TMEM167A: variants seen among roughly 807,000 people sequenced by gnomAD.
The protein encoded by TMEM167A is transmembrane protein 167A.
A neutral mutation model predicts 11.6 loss-of-function variants in TMEM167A; 8 were observed. The ratio of observed to expected loss-of-function variants is 0.69; its 90% CI spans 0.40 to 1.24. The LOEUF (loss-of-function observed/expected upper bound fraction) is 1.24, where lower values mean the gene tolerates loss of function less well. Ranked by LOEUF, TMEM167A falls within the 50% of genes most tolerant of loss-of-function variation. TMEM167A has a pLI of 0.01. For synonymous variants in TMEM167A, 22 were observed against 28.0 expected (o/e 0.79, Z 0.67); for missense variants, 62 against 87.0 (o/e 0.71, Z 1.14).
chr5:83,061,795 A>G (rs1340277657), intron 3 of TMEM167A, 82 bp downstream of exon 3: 38 of 1,328,304 alleles, frequency 2.9e-5, no homozygotes, highest in Non-Finnish European at 4.1e-5. Context: ...AAAAATTAAC[A>G]TTTGACTTGT....
chr5:83,065,256 A>G, intron 1 of TMEM167A, 139 bp from the exon 2 acceptor site: 1 of 599,498 alleles, frequency 1.7e-6, no homozygotes, highest in South Asian at 2.3e-5. Context: ...CAACACTTAA[A>G]ACCAGAATCT....
intron 1 of TMEM167A, among the ~76,000 whole-genome samples, chr5:83,074,335 A>T (rs1347352308): frequency 6.6e-6 from 1 of 152,216 alleles, no homozygotes; most frequent in Non-Finnish European, 1.5e-5. Flanking sequence ...TTTAAAGTAC[A>T]GGTGAGAGAG....
intron 2 of TMEM167A, among the ~76,000 whole-genome samples, chr5:83,062,902 C>T (rs1431739823): frequency 1.4e-5 from 2 of 144,868 alleles, no homozygotes; most frequent in Admixed American, 1.4e-4. Context: ...ATCATTACAT[C>T]TGAATGGGTA....
chr5:83,071,590 T>C (rs1744561451), intron 1 of TMEM167A, among the ~76,000 whole-genome samples: 1 of 152,168 alleles, frequency 6.6e-6, no homozygotes, highest in African/African-American at 2.4e-5. Flanking sequence ...CACACATATA[T>C]ATAATTTGCC....
At chr5:83,059,281 T>C (rs1007613046) in intron 3 of TMEM167A, among the ~76,000 whole-genome samples, 3 of 152,104 alleles carry the variant, frequency 2.0e-5, no homozygotes, top group African/African-American at 7.2e-5. Flanking sequence ...GCTATGTTCT[T>C]TTCAAGCAAT....
At position 83,056,986 on chromosome 5, in the gene TMEM167A, G is replaced by A. The variant is rs563314798; in HGVS notation, c.*98C>T. 55 of 1,039,152 alleles carry A rather than the reference G, an allele frequency of 5.3e-5. No homozygotes were observed. Among genetic ancestry groups the A allele is most frequent in the South Asian group, 1.9e-4 (15 of 77,750 alleles). The allele number at this position is 1,039,152 out of a possible 1,614,324, so 64.4% of individuals were successfully genotyped here. On this transcript the variant is annotated 3_prime_UTR_variant, in exon 4 of 4. Coordinates refer to ENST00000502346, the MANE Select transcript of TMEM167A (RefSeq NM_174909.5). ...TGGAAATTTATCTCATTCAATGTTC[G>A]GAGATAAAAGAGTTAAACATCCTTT... is the stretch of plus-strand genomic sequence containing the variant.
intron 3 of TMEM167A, among the ~76,000 whole-genome samples, chr5:83,059,166 CAAA>C (rs369393831): frequency 2.5e-5 from 3 of 118,360 alleles, no homozygotes; most frequent in Admixed American, 8.6e-5. Flanking sequence ...AAATAACAAG[CAAA>C]AAAAAAAAAA....
chr5:83,072,797 T>C (rs1456213204), intron 1 of TMEM167A, among the ~76,000 whole-genome samples: 1 of 152,116 alleles, frequency 6.6e-6, no homozygotes, highest in Non-Finnish European at 1.5e-5. Context: ...GCAATCAGTA[T>C]TCAAAAGCTT....
At chr5:83,070,957 A>G (rs1744551006) in intron 1 of TMEM167A, among the ~76,000 whole-genome samples, 1 of 151,890 alleles carries the variant, frequency 6.6e-6, no homozygotes, top group Non-Finnish European at 1.5e-5. Context: ...TAGGAATAGA[A>G]GAAGGAAAAA....
At chr5:83,061,775 C>A (rs759638001) in intron 3 of TMEM167A, 102 bp downstream of exon 3, 405 of 1,143,420 alleles carry the variant, frequency 3.5e-4, no homozygotes, top group Non-Finnish European at 4.8e-4. Flanking sequence ...AATTGGGAAG[C>A]CTGCCCTTTA....
At chr5:83,063,111 G>C (rs1489454080) in intron 2 of TMEM167A, among the ~76,000 whole-genome samples, 2 of 151,978 alleles carry the variant, frequency 1.3e-5, no homozygotes, top group Non-Finnish European at 2.9e-5. Context: ...TGAATATTCT[G>C]ACAGGCTAAA....
intron 3 of TMEM167A, among the ~76,000 whole-genome samples, chr5:83,057,859 A>G (rs529037806): frequency 1.3e-5 from 2 of 152,150 alleles, no homozygotes; most frequent in South Asian, 4.1e-4. Context: ...CTGGCTTGTG[A>G]ATTGTCTCGC....
intron 2 of TMEM167A, among the ~76,000 whole-genome samples, chr5:83,063,033 T>C (rs759972918): frequency 2.0e-5 from 3 of 152,048 alleles, no homozygotes; most frequent in Non-Finnish European, 4.4e-5. Context: ...TAGAAACTGC[T>C]ATGAACTGGA....
chr5:83,064,797 C>T (rs1744458544), intron 2 of TMEM167A, among the ~76,000 whole-genome samples: 1 of 152,038 alleles, frequency 6.6e-6, no homozygotes, highest in Non-Finnish European at 1.5e-5. Flanking sequence ...TTACTCTTAA[C>T]ACATTTTAGG....
At position 83,053,408 on chromosome 5, in the gene TMEM167A, C is replaced by A. The variant is rs1268167570; in HGVS notation, c.*3676G>T. 1.3e-5 allele frequency: 2 copies of A among 151,924 alleles called. No individual in the cohort carries two copies. Among genetic ancestry groups the A allele is most frequent in the Non-Finnish European group, 2.9e-5 (2 of 67,910 alleles). The allele number at this position is 151,924 out of a possible 1,614,324, so 9.4% of individuals were successfully genotyped here. On this transcript the variant is annotated 3_prime_UTR_variant, in exon 4 of 4. Coordinates refer to ENST00000502346, the MANE Select transcript of TMEM167A (RefSeq NM_174909.5). Reference sequence around the variant, plus strand: ...ATTAAGAGTTTCTAAAAATACTGACCTAACTAGTCAGTTGCCTCCACCTTA... The same window carrying A: ...ATTAAGAGTTTCTAAAAATACTGACATAACTAGTCAGTTGCCTCCACCTTA...
At chr5:83,059,164 A>C (rs1432244805) in intron 3 of TMEM167A, among the ~76,000 whole-genome samples, 1 of 142,214 alleles carries the variant, frequency 7.0e-6, no homozygotes, top group Non-Finnish European at 1.5e-5. Flanking sequence ...ATAAATAACA[A>C]GCAAAAAAAA....
chr5:83,074,718 C>G (rs926335505), intron 1 of TMEM167A, among the ~76,000 whole-genome samples: 1 of 152,102 alleles, frequency 6.6e-6, no homozygotes, highest in Non-Finnish European at 1.5e-5. Flanking sequence ...TTAATAATTT[C>G]CCCCACTGGA....
At position 83,055,853 on chromosome 5, in the gene TMEM167A, GAATT is replaced by G. The variant is rs1744323903; in HGVS notation, c.*1227_*1230del. On this transcript the variant is annotated 3_prime_UTR_variant, in exon 4 of 4. Transcript: ENST00000502346. ...AGTTTCTTCATTTTATCTTTATGATGAATTAATAGCTGCAAACAATCTAATTAAT... is the reference window on the plus strand; with the variant it reads ...AGTTTCTTCATTTTATCTTTATGATGAATAGCTGCAAACAATCTAATTAAT... 6.6e-6 allele frequency: 1 copy of G among 151,812 alleles called. No individual in the cohort carries two copies. The highest frequency in any genetic ancestry group is 2.4e-5 in the African/African-American group (1 of 41,350). 9.4% of individuals were successfully genotyped at this position (151,812 alleles called of 1,614,324 possible). A position where few individuals can be genotyped will look rare whatever the true frequency, so the allele number is the denominator to read the frequency against.
chr5:83,064,320 A>T (rs755288419), intron 2 of TMEM167A: 4 of 518,568 alleles, frequency 7.7e-6, no homozygotes, highest in Non-Finnish European at 1.5e-5. Flanking sequence ...AATGAGAAGC[A>T]GACATTTCCA....
Sources: gnomAD v4.1 joint callset for allele counts (sites outside exome capture counted in the v4.1 genomes callset) on GRCh38, gnomAD v4.1.1 for gene constraint, MANE v1.5 for transcripts, NCBI Gene and HGNC (gene_info 2026-07-23, HGNC 2026-07-21) for gene names.